The following POF1B variants were observed in gnomAD, a reference collection of about 807,000 sequenced individuals.
POF1B encodes POF1B actin binding protein, also known as protein POF1B.
A neutral mutation model predicts 55.3 loss-of-function variants in POF1B; 53 were observed. The observed-to-expected ratio is 0.96, with a 90% CI of 0.77 to 1.20. POF1B has a LOEUF of 1.20. Among genes scored for constraint, POF1B ranks in the 50% most tolerant of loss-of-function variants. The pLI, the probability that POF1B is intolerant of heterozygous loss-of-function variation, is 0.00. For missense variants in POF1B, 478 were observed against 420.5 expected (o/e 1.14, Z -1.20); for synonymous variants, 188 against 148.3 (o/e 1.27, Z -1.95).
chrX:85,345,845 G>A lies in POF1B; in HGVS notation c.723+15C>T, dbSNP rs374872960. 1.7e-6 allele frequency: 2 copies of A among 1,173,119 alleles called. No individual in the cohort carries two copies. The highest frequency in any genetic ancestry group is 2.3e-6 in the Non-Finnish European group (2 of 872,397). On this transcript the variant is annotated intron_variant, in intron 6 of 16. Coordinates refer to ENST00000262753, the MANE Select transcript of POF1B (RefSeq NM_024921.4). ...ATTATTTCAGTTTGTTAAGGAATCAGCTGATTGATCTTACCTGCTCACAAA... is the reference window on the plus strand; with the variant it reads ...ATTATTTCAGTTTGTTAAGGAATCAACTGATTGATCTTACCTGCTCACAAA...
intron 6 of POF1B, among the ~76,000 whole-genome samples, chrX:85,342,582 G>A (rs755702477): frequency 9.9e-5 from 11 of 111,535 alleles, no homozygotes; most frequent in Non-Finnish European, 2.1e-4. Context: ...GTTCCGTCCA[G>A]CTAAGTCTAT....
intron 6 of POF1B, among the ~76,000 whole-genome samples, chrX:85,345,582 TG>T (rs1194932441): frequency 9.0e-6 from 1 of 111,187 alleles, no homozygotes; most frequent in East Asian, 2.8e-4. Flanking sequence ...GCACAACTGT[TG>T]GGCCCATTTT....
chrX:85,353,093 A>G (rs1933421186), intron 4 of POF1B, among the ~76,000 whole-genome samples: 2 of 111,256 alleles, frequency 1.8e-5, no homozygotes, highest in Non-Finnish European at 3.8e-5. Flanking sequence ...TGGAGTTCAG[A>G]GGAAAAAAAC....
chrX:85,324,133 A>C (rs749277610), intron 7 of POF1B, among the ~76,000 whole-genome samples: 2 of 111,837 alleles, frequency 1.8e-5, no homozygotes, highest in Admixed American at 9.5e-5. Flanking sequence ...CTTTATGCTC[A>C]ATTTTTGGGT....
chrX:85,326,091 C>T (rs1043341905), intron 7 of POF1B, among the ~76,000 whole-genome samples: 1 of 112,001 alleles, frequency 8.9e-6, no homozygotes. Flanking sequence ...CACAACACTC[C>T]TATGGGTGGT....
Position 85,305,793 on chromosome X carries a change from T to A in POF1B, c.1435A>T (p.Arg479Trp). 1 of 1,208,193 alleles carries A rather than the reference T, an allele frequency of 8.3e-7. No homozygotes were observed. Among genetic ancestry groups the A allele is most frequent in the Non-Finnish European group, 1.1e-6 (1 of 893,478 alleles). The change falls in exon 13 of 17, where the codon AGG (arginine) becomes TGG (tryptophan). Residue 479 changes from arginine to tryptophan, a missense_variant and splice_region_variant. Physicochemically the swap from Arg to Trp is moderately radical, Grantham distance 101. Transcript: ENST00000262753. Reference protein sequence around the residue: ...MEKDREICRLRSQLNQYHKDV... With the variant: ...MEKDREICRLWSQLNQYHKDV... ...TATGCAATGTAGGATCAACATACCC[T>A]CAGTCTGCAGATCTCTCTATCTTTC... is the stretch of plus-strand genomic sequence containing the variant.
chrX:85,343,377 T>C (rs889852719), intron 6 of POF1B, among the ~76,000 whole-genome samples: 1 of 110,722 alleles, frequency 9.0e-6, no homozygotes, highest in Middle Eastern at 4.3e-3. Context: ...TCAAATGTAT[T>C]ATTAGATGTA....
intron 6 of POF1B, among the ~76,000 whole-genome samples, chrX:85,344,315 G>A (rs1161824436): frequency 2.7e-5 from 3 of 110,981 alleles, no homozygotes; most frequent in African/African-American, 9.8e-5. Context: ...TTATTTCCAT[G>A]CAATATCACA....
chrX:85,277,979 T>C lies in POF1B; in HGVS notation c.*1442A>G, dbSNP rs758302493. Reference sequence around the variant, plus strand: ...CAAGGGAAAAAATGTAAGGACTGTATAGCTCATGAATAATATTAACATTTT... The same window carrying C: ...CAAGGGAAAAAATGTAAGGACTGTACAGCTCATGAATAATATTAACATTTT... On this transcript the variant is annotated 3_prime_UTR_variant, in exon 17 of 17. Transcript: ENST00000262753. 3 of 111,054 alleles carry C rather than the reference T, an allele frequency of 2.7e-5. No individual in the cohort carries two copies. Among genetic ancestry groups the C allele is most frequent in the Non-Finnish European group, 5.7e-5 (3 of 52,586 alleles). 9.2% of individuals were successfully genotyped at this position (111,054 alleles called of 1,213,427 possible). A position where few individuals can be genotyped will look rare whatever the true frequency, so the allele number is the denominator to read the frequency against.
Position 85,279,517 on chromosome X carries a change from G to T in POF1B, c.1765-91C>A, listed in dbSNP as rs1931851720. 3 of 911,851 alleles carry T rather than the reference G, an allele frequency of 3.3e-6. No homozygotes were observed. The South Asian group carries it at 7.0e-5, about 21-fold the overall frequency. The allele number at this position is 911,851 out of a possible 1,213,427, so 75.1% of individuals were successfully genotyped here. ...AAAGTTATGGAAAATTATTTAAATT[G>T]GTATGTATAAAACCAAAGGACATGT... On this transcript the variant is annotated intron_variant, in intron 16 of 16. Transcript: ENST00000262753.
At chrX:85,327,563 G>C (rs1932911026) in intron 7 of POF1B, among the ~76,000 whole-genome samples, 1 of 111,861 alleles carries the variant, frequency 8.9e-6, no homozygotes, top group African/African-American at 3.3e-5. Flanking sequence ...GGTATTTCCT[G>C]TGTTGCCCAA....
intron 3 of POF1B, among the ~76,000 whole-genome samples, chrX:85,363,222 A>AT (rs953389384): frequency 2.8e-5 from 3 of 108,277 alleles, no homozygotes; most frequent in South Asian, 3.9e-4. Context: ...GATCTTTTGA[A>AT]TTTTTTTTTG....
intron 7 of POF1B, among the ~76,000 whole-genome samples, chrX:85,325,817 A>G (rs1932890804): frequency 9.0e-6 from 1 of 111,215 alleles, no homozygotes; most frequent in African/African-American, 3.3e-5. Context: ...TGTTCCTTCA[A>G]TCTTTGAAGT....
chrX:85,303,569 T>C, intron 14 of POF1B, 81 bp from the exon 15 acceptor site: 1 of 669,939 alleles, frequency 1.5e-6, no homozygotes, highest in Non-Finnish European at 2.2e-6. Context: ...TTTAGAAGGG[T>C]TACTAACAAT....
At position 85,306,219 on chromosome X, in the gene POF1B, G is replaced by T; in HGVS notation, c.1279C>A (p.Arg427Ser). Reference protein sequence around the residue: ...YRLKELEYCKRNLEQENQNLR... With the variant: ...YRLKELEYCKSNLEQENQNLR... The stretch of plus-strand genomic sequence containing the variant: ...TTTTGATTCTCTTGCTCTAAATTAC[G>T]TTTACAATATTCCAGTTCTTTTAGT... The change falls in exon 12 of 17, where the codon CGT (arginine) becomes AGT (serine). Residue 427 changes from arginine (R) to serine (S), a missense_variant. Arg to Ser is a moderately radical substitution (Grantham distance 110, BLOSUM62 -1). Transcript: ENST00000262753. 8.3e-7 allele frequency: 1 copy of T among 1,203,792 alleles called. No individual in the cohort carries two copies. Among genetic ancestry groups the T allele is most frequent in the Non-Finnish European group, 1.1e-6 (1 of 889,869 alleles).
chrX:85,356,168 A>G (rs1933491640), intron 4 of POF1B, among the ~76,000 whole-genome samples: 1 of 110,707 alleles, frequency 9.0e-6, no homozygotes, highest in South Asian at 3.8e-4. Flanking sequence ...AGGGACATGG[A>G]TGAAGCCGGA....
chrX:85,284,023 CAGAG>C (rs772501502), intron 15 of POF1B, among the ~76,000 whole-genome samples: 9 of 111,244 alleles, frequency 8.1e-5, no homozygotes, highest in Admixed American at 6.7e-4. Context: ...AACAGACAAA[CAGAG>C]AGCCAAATCA....
intron 7 of POF1B, among the ~76,000 whole-genome samples, chrX:85,319,170 G>C (rs1238001630): frequency 9.0e-6 from 1 of 111,239 alleles, no homozygotes; most frequent in East Asian, 2.8e-4. Context: ...CTCTCAGCTT[G>C]GATATTGTTG....
chrX:85,366,749 T>A (rs949994131), intron 3 of POF1B, among the ~76,000 whole-genome samples: 1 of 111,234 alleles, frequency 9.0e-6, no homozygotes, highest in African/African-American at 3.3e-5. Flanking sequence ...TTGAAAATAG[T>A]GATTGTGTCT....
Sources: gnomAD v4.1 joint callset for allele counts (sites outside exome capture counted in the v4.1 genomes callset) on GRCh38, gnomAD v4.1.1 for gene constraint, MANE v1.5 for transcripts, NCBI Gene and HGNC (gene_info 2026-07-23, HGNC 2026-07-21) for gene names.